The following IMPG1 variants were observed in gnomAD, a reference collection of about 807,000 sequenced individuals.
The protein encoded by IMPG1 is interphotoreceptor matrix proteoglycan 1, also known as interphotoreceptor matrix proteoglycan of 150 kDa.
IMPG1 carries 85 observed loss-of-function variants against 92.0 expected under a neutral mutation model. The ratio of observed to expected loss-of-function variants is 0.92; its 90% CI spans 0.78 to 1.11. The LOEUF is 1.11. IMPG1 is among the 50% of genes least tolerant of loss of function. The pLI is 0.00. For missense variants in IMPG1, 1,022 were observed against 956.0 expected, an observed-to-expected ratio of 1.07 and a Z score of -0.91; for synonymous variants, 367 against 334.1, an observed-to-expected ratio of 1.10 and a Z score of -1.08.
At chr6:75,960,379 A>C (rs2149461417) in intron 12 of IMPG1, among the ~76,000 whole-genome samples, 1 of 152,330 alleles carries the variant, frequency 6.6e-6, no homozygotes, top group East Asian at 1.9e-4. Flanking sequence ...CCTCACATTC[A>C]CAATAAACCT....
intron 12 of IMPG1, among the ~76,000 whole-genome samples, chr6:75,956,429 G>C (rs1782122062): frequency 6.6e-6 from 1 of 152,132 alleles, no homozygotes; most frequent in African/African-American, 2.4e-5. Context: ...ATTTCTGTGG[G>C]ATCAGTGATG....
At chr6:76,022,279 C>A in intron 5 of IMPG1, 60 bp from the exon 6 acceptor site, 3 of 911,678 alleles carry the variant, frequency 3.3e-6, no homozygotes, top group Non-Finnish European at 3.5e-6. Context: ...TAAATTAGAA[C>A]GAGGTCAAAA....
intron 1 of IMPG1, among the ~76,000 whole-genome samples, chr6:76,066,544 A>G (rs1784313554): frequency 6.6e-6 from 1 of 152,132 alleles, no homozygotes; most frequent in Non-Finnish European, 1.5e-5. Flanking sequence ...ACTCAAAACC[A>G]GATTCATAAA....
chr6:76,005,016 T>C (rs2478081), intron 10 of IMPG1, among the ~76,000 whole-genome samples: 87,792 of 151,980 alleles, frequency 0.58, 26,439 homozygotes, highest in South Asian at 0.68. Flanking sequence ...GGTTCTTTTC[T>C]CTGCCTTCGT....
At position 76,034,787 on chromosome 6, in the gene IMPG1, A is replaced by G. The variant is rs1783709487; in HGVS notation, c.302T>C (p.Val101Ala). 6.2e-7 allele frequency: 1 copy of G among 1,612,970 alleles called. No homozygotes were observed. ...DSLQAYYRLR[V>A]CQEAVWEAYR... ...TGCTTCCCATACTGCTTCCTGACAC[A>G]CTGTAATACAGAGTCATTAATGGCC... The change falls in exon 3 of 17, where the codon GTG becomes GCG. Residue 101 changes from valine (V) to alanine (A), a missense_variant and splice_region_variant. By Grantham distance (64) the Val-to-Ala change is moderately conservative. Transcript: ENST00000369950.
At position 76,034,345 on chromosome 6, in the gene IMPG1, TG is replaced by T. The variant is rs776926871; in HGVS notation, c.469-3del. On this transcript the variant is annotated splice_region_variant and splice_polypyrimidine_tract_variant and intron_variant, in intron 3 of 16. Transcript: ENST00000369950. ...AGGGAAACTTCTCTGTTTTATTCTCTGCAAAAAGATAAAGATAAAATGTAAT... is the reference window on the plus strand; with the variant it reads ...AGGGAAACTTCTCTGTTTTATTCTCTCAAAAAGATAAAGATAAAATGTAAT... The T allele has an allele frequency of 1.2e-6, 2 of 1,612,414 alleles. No homozygotes were observed. The highest frequency in any genetic ancestry group is 3.3e-5 in the Admixed American group (2 of 59,994).
In IMPG1 at chr6:76,007,302, A is replaced by AT. The variant is rs35430948; in HGVS notation, c.887+177dup. On this transcript the variant is annotated intron_variant, in intron 9 of 16. Coordinates refer to ENST00000369950, the MANE Select transcript of IMPG1 (RefSeq NM_001563.4). ...CCCACATAGTGACTTTGATAAGAGA[A>AT]TTTTTTTTTTTTTAACTACTGGACA... Among the ~76,000 whole-genome samples the AT allele has an allele frequency of 7.8e-3, 1,156 of 148,056 alleles. 34 individuals carry two copies. In the East Asian group the frequency reaches 0.092, roughly 12 times the overall value.
chr6:76,025,261 A>G lies in IMPG1; in HGVS notation c.498-3T>C, dbSNP rs1162126471. On this transcript the variant is annotated splice_region_variant and splice_polypyrimidine_tract_variant and intron_variant, in intron 4 of 16. Transcript: ENST00000369950. Reference sequence around the variant, plus strand: ...TCTCTGCAGATATTTCATCTTTTCTATTAGTACAATAGAAAAGAAGGAAGA... The same window carrying G: ...TCTCTGCAGATATTTCATCTTTTCTGTTAGTACAATAGAAAAGAAGGAAGA... 3 of 1,548,038 alleles carry G rather than the reference A, an allele frequency of 1.9e-6. No homozygotes were observed. The highest frequency in any genetic ancestry group is 1.7e-4 in the Middle Eastern group (1 of 5,868).
At chr6:75,955,957 A>T (rs1295957115) in intron 12 of IMPG1, among the ~76,000 whole-genome samples, 1 of 152,128 alleles carries the variant, frequency 6.6e-6, no homozygotes, top group Non-Finnish European at 1.5e-5. Context: ...AGCTGACTTG[A>T]TCGTGGTGGA....
chr6:75,981,299 A>G (rs1042450144), intron 12 of IMPG1, among the ~76,000 whole-genome samples: 1 of 152,200 alleles, frequency 6.6e-6, no homozygotes. Context: ...AATTAAAGGG[A>G]AGAAAATTCA....
intron 12 of IMPG1, among the ~76,000 whole-genome samples, chr6:75,977,316 G>C (rs921344310): frequency 6.6e-6 from 1 of 152,092 alleles, no homozygotes; most frequent in Non-Finnish European, 1.5e-5. Context: ...CGCCAGGCGC[G>C]GTGGCTCACG....
At chr6:75,981,846 A>C (rs1386319914) in intron 12 of IMPG1, among the ~76,000 whole-genome samples, 1 of 152,226 alleles carries the variant, frequency 6.6e-6, no homozygotes, top group Non-Finnish European at 1.5e-5. Flanking sequence ...TAGAAGCATC[A>C]ACTTTTTGGG....
intron 5 of IMPG1, among the ~76,000 whole-genome samples, chr6:76,024,075 A>C (rs1783481094): frequency 6.6e-6 from 1 of 152,110 alleles, no homozygotes; most frequent in South Asian, 2.1e-4. Flanking sequence ...TTATTGTTAA[A>C]AATGCATTTT....
chr6:75,978,632 G>A (rs953804838), intron 12 of IMPG1, among the ~76,000 whole-genome samples: 8 of 152,006 alleles, frequency 5.3e-5, no homozygotes, highest in Non-Finnish European at 7.4e-5. Flanking sequence ...TCTTTGCCAA[G>A]GCTTCATTCA....
chr6:76,069,366 AGAC>A (rs1346233210), intron 1 of IMPG1, among the ~76,000 whole-genome samples: 1 of 152,206 alleles, frequency 6.6e-6, no homozygotes, highest in African/African-American at 2.4e-5. Flanking sequence ...AACCAAAAAC[AGAC>A]AAATGGGACT....
Position 75,974,378 on chromosome 6 carries a change from T to C in IMPG1, c.1292-23284A>G, listed in dbSNP as rs1562354623. Among the ~76,000 whole-genome samples, 192 of 112,914 alleles carry C rather than the reference T, an allele frequency of 1.7e-3. 3 individuals are homozygous for C. Among genetic ancestry groups the C allele is most frequent in the South Asian group, 7.0e-3 (22 of 3,154 alleles). 74.1% of individuals were successfully genotyped at this position (112,914 alleles called of 152,430 possible). On this transcript the variant is annotated intron_variant, in intron 12 of 16. Transcript: ENST00000369950. Reference sequence around the variant, plus strand: ...TTCTTTCTTTCTTTCTTTCTTTCTTTCTTTCTTTCTTTCTTTTCTTTCTTT... The same window carrying C: ...TTCTTTCTTTCTTTCTTTCTTTCTTCCTTTCTTTCTTTCTTTTCTTTCTTT...
intron 12 of IMPG1, among the ~76,000 whole-genome samples, chr6:75,973,301 C>T (rs889260515): frequency 6.6e-6 from 1 of 151,496 alleles, no homozygotes; most frequent in Non-Finnish European, 1.5e-5. Flanking sequence ...TTCCCCCCCG[C>T]CCAAAACTGA....
At chr6:76,005,570 C>A in intron 9 of IMPG1, 36 bp from the exon 10 acceptor site, 2 of 1,603,710 alleles carry the variant, frequency 1.2e-6, no homozygotes, top group South Asian at 1.1e-5. Flanking sequence ...CCACCCAAAG[C>A]CATTGTTACA....
chr6:75,951,681 G>A (rs2149457945), intron 12 of IMPG1, among the ~76,000 whole-genome samples: 1 of 152,226 alleles, frequency 6.6e-6, no homozygotes, highest in South Asian at 2.1e-4. Flanking sequence ...TAATTGAATA[G>A]CTTGTCAATT....
Sources: allele counts gnomAD v4.1 joint callset (sites outside exome capture counted in the v4.1 genomes callset), GRCh38; gene constraint gnomAD v4.1.1; transcripts MANE v1.5; gene names NCBI Gene and HGNC (gene_info 2026-07-23, HGNC 2026-07-21).